Variants in DLG2 observed in about 807,000 individuals in gnomAD.
DLG2 encodes discs large MAGUK scaffold protein 2, also known as disks large homolog 2.
In DLG2, 45 loss-of-function variants were observed where a neutral mutation model predicts 132.5. The observed-to-expected ratio is 0.34, with a 90% CI of 0.27 to 0.44. DLG2 has a LOEUF of 0.44. DLG2 is among the 20% of genes least tolerant of loss of function. DLG2 has a pLI of 1.00. For missense variants in DLG2, 1,045 were observed against 1,196.9 expected (o/e 0.87, Z 1.87); for synonymous variants, 424 against 419.6 (o/e 1.01, Z -0.13).
At chr11:84,961,339 T>C (rs1397866189) in intron 6 of DLG2, among the ~76,000 whole-genome samples, 2 of 151,982 alleles carry the variant, frequency 1.3e-5, no homozygotes, top group Non-Finnish European at 2.9e-5. Flanking sequence ...TGAAAGCTAT[T>C]TGTAGCAAAA....
intron 15 of DLG2, among the ~76,000 whole-genome samples, 154 bp downstream of exon 15, chr11:83,930,174 T>C (rs2079875143): frequency 6.6e-6 from 1 of 152,206 alleles, no homozygotes; most frequent in Admixed American, 6.5e-5. Context: ...ATGTTCTTAA[T>C]TTCTCCCATT....
At chr11:85,544,899 T>A (rs1414096758) in intron 3 of DLG2, among the ~76,000 whole-genome samples, 1 of 152,180 alleles carries the variant, frequency 6.6e-6, no homozygotes, top group Non-Finnish European at 1.5e-5. Context: ...GGTGAGATGA[T>A]GGGGTTTTCT....
chr11:85,487,618 C>T (rs186199512), intron 3 of DLG2, among the ~76,000 whole-genome samples: 50 of 151,650 alleles, frequency 3.3e-4, no homozygotes, highest in Non-Finnish European at 1.2e-4. Context: ...TGAAATAATC[C>T]AGTCAGACAA....
At chr11:84,706,321 C>T (rs1294342514) in intron 6 of DLG2, among the ~76,000 whole-genome samples, 1 of 151,748 alleles carries the variant, frequency 6.6e-6, no homozygotes, top group Non-Finnish European at 1.5e-5. Context: ...ACAGAGAGTG[C>T]TTTGGGGGCT....
At chr11:84,354,690 C>A (rs1311722018) in intron 7 of DLG2, among the ~76,000 whole-genome samples, 1 of 152,108 alleles carries the variant, frequency 6.6e-6, no homozygotes, top group Non-Finnish European at 1.5e-5. Flanking sequence ...TTACATCACA[C>A]CAGCCACCTC....
At chr11:84,064,881 C>T (rs1280172730) in intron 10 of DLG2, among the ~76,000 whole-genome samples, 2 of 152,024 alleles carry the variant, frequency 1.3e-5, no homozygotes, top group Non-Finnish European at 1.5e-5. Context: ...ACACAGACCA[C>T]TGGAACAGAA....
intron 14 of DLG2, among the ~76,000 whole-genome samples, chr11:83,958,495 T>C (rs1417530002): frequency 6.6e-6 from 1 of 152,174 alleles, no homozygotes; most frequent in Non-Finnish European, 1.5e-5. Context: ...CTGAGAAATA[T>C]ATCTTTTACA....
At chr11:85,583,120 G>GTC (rs1420782345) in intron 3 of DLG2, among the ~76,000 whole-genome samples, 1 of 57,846 alleles carries the variant, frequency 1.7e-5, no homozygotes, top group African/African-American at 6.6e-5. Context: ...GTGTGTGTGT[G>GTC]TGTGTGTGTG....
intron 7 of DLG2, among the ~76,000 whole-genome samples, chr11:84,259,437 G>T (rs1377577823): frequency 1.3e-5 from 2 of 152,074 alleles, no homozygotes; most frequent in African/African-American, 4.8e-5. Context: ...ATCATCCAGT[G>T]GCTTTGGCTT....
At chr11:84,053,972 TGGA>T (rs147549009) in intron 11 of DLG2, among the ~76,000 whole-genome samples, 15,346 of 152,018 alleles carry the variant, frequency 0.1, 1,037 homozygotes, top group African/African-American at 0.19. Context: ...TAAAAAATAA[TGGA>T]GGAGAATTGC....
At chr11:83,700,235 A>G (rs2082690380) in intron 18 of DLG2, among the ~76,000 whole-genome samples, 1 of 152,192 alleles carries the variant, frequency 6.6e-6, no homozygotes. Flanking sequence ...ATTGACACAC[A>G]TCAGTGAAGA....
chr11:83,923,844 G>T (rs1467835279), intron 15 of DLG2, among the ~76,000 whole-genome samples: 1 of 152,062 alleles, frequency 6.6e-6, no homozygotes, highest in East Asian at 1.9e-4. Context: ...TTTTAAAAAT[G>T]CAAAGCAGCT....
At chr11:84,895,181 A>G (rs975572786) in intron 6 of DLG2, among the ~76,000 whole-genome samples, 9 of 152,202 alleles carry the variant, frequency 5.9e-5, no homozygotes, top group African/African-American at 1.4e-4. Flanking sequence ...ACGTTTAAAC[A>G]TAACAGAATT....
chr11:83,716,485 T>C (rs1451792370), intron 18 of DLG2, among the ~76,000 whole-genome samples: 5 of 152,224 alleles, frequency 3.3e-5, no homozygotes, highest in Admixed American at 6.5e-5. Context: ...AATTGACAGC[T>C]CAGTGGTGTT....
At chr11:84,491,139 A>C (rs949299478) in intron 7 of DLG2, among the ~76,000 whole-genome samples, 2 of 152,054 alleles carry the variant, frequency 1.3e-5, no homozygotes, top group Non-Finnish European at 2.9e-5. Context: ...AGTCAGGGGA[A>C]ATCGGAAGCC....
chr11:85,493,593 C>G (rs888153995), intron 3 of DLG2, among the ~76,000 whole-genome samples: 1 of 151,940 alleles, frequency 6.6e-6, no homozygotes, highest in Non-Finnish European at 1.5e-5. Flanking sequence ...ATTGCTTAAG[C>G]CCAGGAGTTC....
intron 3 of DLG2, among the ~76,000 whole-genome samples, chr11:85,376,948 C>T (rs1055180716): frequency 3.9e-5 from 6 of 152,098 alleles, no homozygotes; most frequent in East Asian, 3.9e-4. Flanking sequence ...AACACATGTG[C>T]GCCTTACTAT....
intron 3 of DLG2, among the ~76,000 whole-genome samples, chr11:85,544,107 G>T (rs2076147235): frequency 6.6e-6 from 1 of 152,066 alleles, no homozygotes; most frequent in African/African-American, 2.4e-5. Context: ...TTTATTCTAG[G>T]GTTTTTGTGG....
chr11:84,931,409 C>G (rs1198820191), intron 6 of DLG2, among the ~76,000 whole-genome samples: 5 of 152,116 alleles, frequency 3.3e-5, no homozygotes, highest in African/African-American at 1.2e-4. Flanking sequence ...TAAGTGAGAG[C>G]ATGCAGTATT....
Sources: gnomAD v4.1 joint callset for allele counts (sites outside exome capture counted in the v4.1 genomes callset) on GRCh38, gnomAD v4.1.1 for gene constraint, MANE v1.5 for transcripts, NCBI Gene and HGNC (gene_info 2026-07-23, HGNC 2026-07-21) for gene names.